The following SLC9C1 variants were observed in gnomAD, a reference collection of about 807,000 sequenced individuals.
SLC9C1 encodes the protein solute carrier family 9 member C1.
SLC9C1 carries 97 observed loss-of-function variants against 140.9 expected under a neutral mutation model. The ratio of observed to expected loss-of-function variants is 0.69; its 90% CI spans 0.58 to 0.82. The LOEUF (loss-of-function observed/expected upper bound fraction) is 0.82. Among genes scored for constraint, SLC9C1 ranks in the 40% least tolerant of loss-of-function variants. SLC9C1 has a pLI of 0.00. For synonymous variants in SLC9C1, 440 were observed against 442.6 expected, an observed-to-expected ratio of 0.99 and a Z score of 0.07; for missense variants, 1,340 against 1,389.3, an observed-to-expected ratio of 0.96 and a Z score of 0.56.
In SLC9C1 at chr3:112,151,924, G is replaced by C. The variant is rs201829027; in HGVS notation, c.3457C>G (p.Pro1153Ala). 8.1e-6 allele frequency: 13 copies of C among 1,605,654 alleles called. No individual in the cohort carries two copies. The highest frequency in any genetic ancestry group is 1.1e-5 in the Non-Finnish European group (13 of 1,177,820). ...AACTTTGTCCCCAGCAGGGAGCAAG[G>C]CTGGGGACTCCTGGCAGTGGCGGCA... ...HSAATARSPQ[P>A]CSLLGTKFNC... Residue 1153 changes from proline to alanine, a missense_variant, in exon 28 of 29, where the codon CCT (proline) becomes GCT (alanine). Pro to Ala is a conservative substitution (Grantham distance 27). Coordinates refer to ENST00000305815, the MANE Select transcript of SLC9C1 (RefSeq NM_183061.3).
chr3:112,231,122 GTCTC>G (rs71134809), intron 13 of SLC9C1, among the ~76,000 whole-genome samples: 44,739 of 102,552 alleles, frequency 0.44, 7,172 homozygotes, highest in East Asian at 0.59. Context: ...TCTGTCTTTC[GTCTC>G]TCTCTCTCTC....
chr3:112,287,769 C>A (rs1381325125), intron 1 of SLC9C1, among the ~76,000 whole-genome samples: 1 of 152,106 alleles, frequency 6.6e-6, no homozygotes, highest in African/African-American at 2.4e-5. Context: ...AATTCCTGGC[C>A]GGGCACGGTG....
intron 23 of SLC9C1, among the ~76,000 whole-genome samples, chr3:112,176,402 C>G (rs915911045): frequency 6.6e-6 from 1 of 152,222 alleles, no homozygotes; most frequent in South Asian, 2.1e-4. Context: ...CCATCCCTCT[C>G]TGTGAGAGCG....
chr3:112,224,205 A>G (rs995088767), intron 13 of SLC9C1, among the ~76,000 whole-genome samples: 1 of 152,234 alleles, frequency 6.6e-6, no homozygotes, highest in African/African-American at 2.4e-5. Context: ...ACAGGCATCA[A>G]TGACATTGAC....
intron 15 of SLC9C1, among the ~76,000 whole-genome samples, chr3:112,213,317 G>T (rs894597946): frequency 1.6e-4 from 24 of 152,134 alleles, no homozygotes; most frequent in African/African-American, 5.6e-4. Flanking sequence ...AAAATAACCA[G>T]CTAACATCAT....
In SLC9C1 at chr3:112,151,880, A is replaced by C; in HGVS notation, c.3501T>G (p.Pro1167=). Residue 1167 remains proline, a synonymous_variant, in exon 28 of 29, where the codon CCT becomes CCG. Coordinates refer to ENST00000305815, the MANE Select transcript of SLC9C1 (RefSeq NM_183061.3). ...ACCTGACTTTCCTTAGGTTTATTCT[A>C]GGGGACTCCTTACAGTTGAACTTTG... ...LGTKFNCKES[P]RINLRKVRKE 6.2e-7 allele frequency: 1 copy of C among 1,612,564 alleles called. No individual in the cohort carries two copies. Among genetic ancestry groups the C allele is most frequent in the Non-Finnish European group, 8.5e-7 (1 of 1,179,516 alleles).
intron 1 of SLC9C1, among the ~76,000 whole-genome samples, chr3:112,292,271 T>C (rs2080705947): frequency 6.6e-6 from 1 of 152,168 alleles, no homozygotes; most frequent in African/African-American, 2.4e-5. Flanking sequence ...GAAAGTTAAA[T>C]TATAATCACA....
intron 15 of SLC9C1, among the ~76,000 whole-genome samples, chr3:112,213,837 T>G (rs1560075247): frequency 6.6e-6 from 1 of 152,136 alleles, no homozygotes; most frequent in Non-Finnish European, 1.5e-5. Context: ...GGAATTGAAC[T>G]CAGCTCTGCA....
At chr3:112,237,130 T>C (rs187682689) in intron 12 of SLC9C1, among the ~76,000 whole-genome samples, 10 of 152,228 alleles carry the variant, frequency 6.6e-5, no homozygotes, top group Non-Finnish European at 1.5e-5. Context: ...AAGGAGTTGC[T>C]TTATGAATCT....
At chr3:112,217,666 C>T in intron 14 of SLC9C1, 105 bp from the exon 15 acceptor site, 1 of 997,422 alleles carries the variant, frequency 1.0e-6, no homozygotes, top group Non-Finnish European at 1.4e-6. Context: ...TTGCACAAAA[C>T]AGGAAGACTA....
chr3:112,273,086 G>A (rs935077980), intron 6 of SLC9C1, among the ~76,000 whole-genome samples: 1 of 151,982 alleles, frequency 6.6e-6, no homozygotes, highest in African/African-American at 2.4e-5. Flanking sequence ...AGGTGAACAC[G>A]GATCCTCCTG....
At position 112,202,825 on chromosome 3, in the gene SLC9C1, G is replaced by A. The variant is rs1320109506; in HGVS notation, c.2173-426C>T. Among the ~76,000 whole-genome samples the A allele has an allele frequency of 5.9e-5, 9 of 151,900 alleles. 1 individual carries two copies. The highest frequency in any genetic ancestry group is 5.9e-4 in the Admixed American group (9 of 15,212). On this transcript the variant is annotated intron_variant, in intron 17 of 28. Transcript: ENST00000305815. ...GGTGAGAAACCACCACAACCATACT[G>A]CCTGTTAGACCCCAAAATTAACTTC...
intron 23 of SLC9C1, 115 bp downstream of exon 23, chr3:112,179,416 T>C: frequency 8.3e-7 from 1 of 1,209,262 alleles, no homozygotes; most frequent in Non-Finnish European, 1.1e-6. Context: ...TAATTCCTAG[T>C]TTTTAAAAGT....
chr3:112,275,470 C>T (rs3924625), intron 5 of SLC9C1, among the ~76,000 whole-genome samples: 1,544 of 152,250 alleles, frequency 0.01, 13 homozygotes, highest in Non-Finnish European at 0.016. Context: ...CTCATTCATT[C>T]TTCCCAATGG....
At chr3:112,237,479 G>A (rs2079021521) in intron 12 of SLC9C1, among the ~76,000 whole-genome samples, 1 of 152,130 alleles carries the variant, frequency 6.6e-6, no homozygotes, top group Non-Finnish European at 1.5e-5. Context: ...ATTGTTATGT[G>A]TGAATTTGAT....
chr3:112,234,868 T>C (rs948544944), intron 12 of SLC9C1, among the ~76,000 whole-genome samples: 3 of 152,150 alleles, frequency 2.0e-5, no homozygotes, highest in Admixed American at 6.5e-5. Flanking sequence ...CATGCTGTTT[T>C]GGTTAGTGTA....
chr3:112,240,075 CTTTTGT>C, intron 11 of SLC9C1, 69 bp from the exon 12 acceptor site: 1 of 1,413,260 alleles, frequency 7.1e-7, no homozygotes. Context: ...AGAAAGCTTA[CTTTTGT>C]TTTTAACTTA....
chr3:112,210,682 C>G (rs550764441), intron 15 of SLC9C1, among the ~76,000 whole-genome samples: 1 of 152,012 alleles, frequency 6.6e-6, no homozygotes, highest in Non-Finnish European at 1.5e-5. Flanking sequence ...AATACTATTC[C>G]TATCCTTTTT....
intron 6 of SLC9C1, among the ~76,000 whole-genome samples, chr3:112,274,208 A>T (rs768364830): frequency 6.6e-6 from 1 of 152,138 alleles, no homozygotes; most frequent in Non-Finnish European, 1.5e-5. Flanking sequence ...AGAGAGGAGC[A>T]CATAAGATGC....
Sources: gnomAD v4.1 joint callset for allele counts (sites outside exome capture counted in the v4.1 genomes callset) on GRCh38, gnomAD v4.1.1 for gene constraint, MANE v1.5 for transcripts, NCBI Gene and HGNC (gene_info 2026-07-23, HGNC 2026-07-21) for gene names.